The following ZNHIT6 variants were observed in gnomAD, a reference collection of about 807,000 sequenced individuals.
ZNHIT6 encodes zinc finger HIT-type containing 6, also known as box C/D snoRNA protein 1.
A neutral mutation model predicts 57.2 loss-of-function variants in ZNHIT6; 45 were observed. That is an observed-to-expected ratio of 0.79 (90% CI 0.62 to 1.01). The LOEUF (loss-of-function observed/expected upper bound fraction) is 1.01. Ranked by LOEUF, ZNHIT6 falls within the 50% of genes least tolerant of loss-of-function variation. The pLI is 0.00. For missense variants in ZNHIT6, 528 were observed against 567.3 expected (o/e 0.93, Z 0.70); for synonymous variants, 188 against 190.0 (o/e 0.99, Z 0.09).
Position 85,657,964 on chromosome 1 carries a change from CATA to C in ZNHIT6, c.1252_1254del (p.Tyr418del). ...AGGAGACTTTTATAAGGATCTAGTT[CATA>C]ATATCTTATTAATAAAAAAAAACAA... is the stretch of plus-strand genomic sequence containing the variant. On this transcript the variant is annotated inframe_deletion, in exon 9 of 10. Transcript: ENST00000370574. 1 of 1,474,466 alleles carries C rather than the reference CATA, an allele frequency of 6.8e-7. No individual in the cohort carries two copies. Among genetic ancestry groups the C allele is most frequent in the Non-Finnish European group, 9.2e-7 (1 of 1,086,450 alleles). The allele number at this position is 1,474,466 out of a possible 1,614,324, so 91.3% of individuals were successfully genotyped here.
chr1:85,687,969 G>A (rs1010638664), intron 5 of ZNHIT6, among the ~76,000 whole-genome samples: 16 of 151,806 alleles, frequency 1.1e-4, no homozygotes, highest in South Asian at 1.0e-3. Flanking sequence ...CTTGAACCCC[G>A]GAGACAGAGG....
chr1:85,666,022 C>G (rs376948479), intron 8 of ZNHIT6, among the ~76,000 whole-genome samples: 1 of 152,184 alleles, frequency 6.6e-6, no homozygotes, highest in South Asian at 2.1e-4. Context: ...TTTCACTCAA[C>G]TGTGTGCTTG....
chr1:85,657,915 ATCAC>A lies in ZNHIT6; in HGVS notation c.1300_1303del (p.Val434SerfsTer11). On this transcript the variant is annotated frameshift_variant, in exon 9 of 10. Transcript: ENST00000370574. LOFTEE classifies it high-confidence loss of function. ...CACATGTAATGTTGGATACTCAATG[ATCAC>A]TTTGTTCCTCAAATTGTCTAGGAGA... is the stretch of plus-strand genomic sequence containing the variant. The A allele has an allele frequency of 6.2e-7, 1 of 1,600,136 alleles. No individual in the cohort carries two copies. Among genetic ancestry groups the A allele is most frequent in the Non-Finnish European group, 8.5e-7 (1 of 1,170,012 alleles).
At chr1:85,679,843 C>G (rs968684631) in intron 6 of ZNHIT6, among the ~76,000 whole-genome samples, 2 of 152,158 alleles carry the variant, frequency 1.3e-5, no homozygotes, top group Non-Finnish European at 2.9e-5. Flanking sequence ...CCTCGACCTC[C>G]CAAAGTGCTG....
At chr1:85,681,139 T>C (rs1256164078) in intron 5 of ZNHIT6, among the ~76,000 whole-genome samples, 2 of 152,220 alleles carry the variant, frequency 1.3e-5, no homozygotes, top group Non-Finnish European at 2.9e-5. Context: ...TTTCTCATAG[T>C]TCAGGGGCTT....
intron 5 of ZNHIT6, among the ~76,000 whole-genome samples, chr1:85,696,812 A>C (rs1450135534): frequency 6.6e-6 from 1 of 151,744 alleles, no homozygotes; most frequent in East Asian, 1.9e-4. Flanking sequence ...TATCAGCTAA[A>C]TACCATGTAT....
At position 85,691,638 on chromosome 1, in the gene ZNHIT6, T is replaced by G. The variant is rs537916736; in HGVS notation, c.1019+10519A>C. Reference sequence around the variant, plus strand: ...TAGGCTGGGTACACTGGCTCACGCCTGTAATCCCAGCACTTTGGGAGGCCG... The same window carrying G: ...TAGGCTGGGTACACTGGCTCACGCCGGTAATCCCAGCACTTTGGGAGGCCG... On this transcript the variant is annotated intron_variant, in intron 5 of 9. Coordinates refer to ENST00000370574, the MANE Select transcript of ZNHIT6 (RefSeq NM_017953.4). Among the ~76,000 whole-genome samples, 23 of 152,370 alleles carry G rather than the reference T, an allele frequency of 1.5e-4. No homozygotes were observed. In the East Asian group the frequency reaches 4.4e-3, roughly 29 times the overall value.
chr1:85,704,965 GTCTTGTTAGC>G (rs1231594056), intron 4 of ZNHIT6, among the ~76,000 whole-genome samples: 2 of 152,142 alleles, frequency 1.3e-5, no homozygotes, highest in Admixed American at 6.5e-5. Flanking sequence ...AGAATAGCAA[GTCTTGTTAGC>G]TCTTCCTTCA....
In ZNHIT6 at chr1:85,657,832, C is replaced by T. The variant is rs1330036143; in HGVS notation, c.1372+15G>A. ...AAAGCTATTCTAAGCATTACAGAAA[C>T]AAATTTACACTTACCTTGGTGAAGA... is the stretch of plus-strand genomic sequence containing the variant. On this transcript the variant is annotated intron_variant, in intron 9 of 9. Coordinates refer to ENST00000370574, the MANE Select transcript of ZNHIT6 (RefSeq NM_017953.4). 6.2e-7 allele frequency: 1 copy of T among 1,604,014 alleles called. No homozygotes were observed. The highest frequency in any genetic ancestry group is 2.2e-5 in the East Asian group (1 of 44,524).
chr1:85,682,178 A>ATTT (rs11394558), intron 5 of ZNHIT6, among the ~76,000 whole-genome samples: 7 of 130,182 alleles, frequency 5.4e-5, no homozygotes, highest in African/African-American at 8.7e-5. Flanking sequence ...CGCCCGGCTA[A>ATTT]TTTTTTTTTT....
intron 9 of ZNHIT6, among the ~76,000 whole-genome samples, chr1:85,656,871 G>T (rs560770213): frequency 6.6e-6 from 1 of 152,024 alleles, no homozygotes; most frequent in Non-Finnish European, 1.5e-5. Context: ...GCACAACAGA[G>T]AATACCTTAC....
chr1:85,692,571 T>C (rs1285088242), intron 5 of ZNHIT6, among the ~76,000 whole-genome samples: 1 of 152,212 alleles, frequency 6.6e-6, no homozygotes, highest in Non-Finnish European at 1.5e-5. Context: ...ACCTATTATA[T>C]AATCCCCCAA....
At chr1:85,654,480 T>C (rs1328618348) in intron 9 of ZNHIT6, among the ~76,000 whole-genome samples, 3 of 152,152 alleles carry the variant, frequency 2.0e-5, no homozygotes, top group Non-Finnish European at 4.4e-5. Context: ...TCAGTATATG[T>C]TGAGTGAATG....
chr1:85,682,808 T>C (rs1661915552), intron 5 of ZNHIT6, among the ~76,000 whole-genome samples: 1 of 152,172 alleles, frequency 6.6e-6, no homozygotes, highest in Admixed American at 6.5e-5. Flanking sequence ...TTGCCGTATT[T>C]TTGAGGTACT....
intron 4 of ZNHIT6, among the ~76,000 whole-genome samples, chr1:85,705,666 T>A (rs1467561767): frequency 6.6e-6 from 1 of 152,208 alleles, no homozygotes; most frequent in Non-Finnish European, 1.5e-5. Flanking sequence ...TGGGATAATC[T>A]GCCTCCAAAT....
Position 85,655,624 on chromosome 1 carries a change from C to A in ZNHIT6, c.1373-1526G>T, listed in dbSNP as rs550330344. Reference sequence around the variant, plus strand: ...TTGAATAGGGTTCCATTCTTTTTTCCTTAGATTGAAATGCAGCATGCTTTT... The same window carrying A: ...TTGAATAGGGTTCCATTCTTTTTTCATTAGATTGAAATGCAGCATGCTTTT... On this transcript the variant is annotated intron_variant, in intron 9 of 9. Transcript: ENST00000370574. Among the ~76,000 whole-genome samples the A allele has an allele frequency of 8.0e-4, 122 of 152,114 alleles. 1 individual carries two copies. In the South Asian group the frequency reaches 9.5e-3, roughly 12 times the overall value.
intron 8 of ZNHIT6, among the ~76,000 whole-genome samples, chr1:85,667,961 A>AAAAAAAAAAAAAAAAAAATATAT: frequency 2.7e-4 from 5 of 18,198 alleles, no homozygotes; most frequent in African/African-American, 4.2e-4. Context: ...AAAAAAAAAA[A>AAAAAAAAAAAAAAAAAAATATAT]ATATATATAT....
At chr1:85,689,217 T>G (rs906788942) in intron 5 of ZNHIT6, among the ~76,000 whole-genome samples, 2 of 152,206 alleles carry the variant, frequency 1.3e-5, no homozygotes, top group African/African-American at 4.8e-5. Flanking sequence ...AATTTTGAAC[T>G]CTTCAAGAAA....
chr1:85,678,722 G>T lies in ZNHIT6; in HGVS notation c.1148C>A (p.Ser383Tyr). 1 of 1,590,314 alleles carries T rather than the reference G, an allele frequency of 6.3e-7. No homozygotes were observed. Among genetic ancestry groups the T allele is most frequent in the South Asian group, 1.2e-5 (1 of 86,920 alleles). ...ILKPYIDPEK[S>Y]DPVIRQRLKA... ...ATACCTTTGACGAATTACAGGATCAGACTTTTCAGGATCAATGTAAGGTTT... is the reference window on the plus strand; with the variant it reads ...ATACCTTTGACGAATTACAGGATCATACTTTTCAGGATCAATGTAAGGTTT... Residue 383 changes from serine (S) to tyrosine (Y), a missense_variant, in exon 7 of 10, where the codon TCT becomes TAT. Transcript: ENST00000370574.
Sources: allele counts gnomAD v4.1 joint callset (sites outside exome capture counted in the v4.1 genomes callset), GRCh38; gene constraint gnomAD v4.1.1; transcripts MANE v1.5; gene names NCBI Gene and HGNC (gene_info 2026-07-23, HGNC 2026-07-21).